ZFX: variants seen among roughly 807,000 people sequenced by gnomAD.
The protein encoded by ZFX is zinc finger protein X-linked.
For synonymous variants in ZFX, 196 were observed against 226.8 expected (o/e 0.86, Z 1.22); for missense variants, 362 against 628.3 (o/e 0.58, Z 4.53).
At chrX:24,151,247 T>C (rs1932080240) in intron 1 of ZFX, among the ~76,000 whole-genome samples, 1 of 111,871 alleles carries the variant, frequency 8.9e-6, no homozygotes, top group Non-Finnish European at 1.9e-5. Flanking sequence ...CTGCAAGAAG[T>C]CTCATGTTTA....
At chrX:24,172,153 G>A (rs1055665664) in intron 3 of ZFX, among the ~76,000 whole-genome samples, 2 of 112,055 alleles carry the variant, frequency 1.8e-5, no homozygotes, top group African/African-American at 3.2e-5. Flanking sequence ...AATCCCAAGG[G>A]TTGTTTACTA....
At chrX:24,206,547 GTGTA>G (rs1937595991) in intron 5 of ZFX, among the ~76,000 whole-genome samples, 2 of 73,006 alleles carry the variant, frequency 2.7e-5, no homozygotes, top group Admixed American at 1.5e-4. Context: ...GTGTGTGTGT[GTGTA>G]TTTTTTTTTT....
intron 5 of ZFX, among the ~76,000 whole-genome samples, chrX:24,183,980 C>T (rs1352398155): frequency 9.1e-6 from 1 of 110,390 alleles, no homozygotes; most frequent in African/African-American, 3.3e-5. Flanking sequence ...TGATCTCGAT[C>T]GAACTCCTGA....
intron 5 of ZFX, among the ~76,000 whole-genome samples, chrX:24,203,722 A>G (rs767003506): frequency 9.0e-6 from 1 of 111,473 alleles, no homozygotes; most frequent in Non-Finnish European, 1.9e-5. Flanking sequence ...ATATTGAACC[A>G]TGCATTCCCT....
chrX:24,206,408 C>T (rs1044870069), intron 5 of ZFX, among the ~76,000 whole-genome samples: 1 of 110,663 alleles, frequency 9.0e-6, no homozygotes, highest in Non-Finnish European at 1.9e-5. Flanking sequence ...CTCTGTAACC[C>T]AGGCTGTAAC....
intron 3 of ZFX, among the ~76,000 whole-genome samples, chrX:24,160,335 G>A (rs1402050121): frequency 1.1e-5 from 1 of 89,425 alleles, no homozygotes; most frequent in Admixed American, 1.5e-4. Context: ...GTCTCGCTCT[G>A]TCGCCCAAGG....
At chrX:24,210,037 CTT>C (rs1420030352) in intron 9 of ZFX, among the ~76,000 whole-genome samples, 154 bp from the exon 10 acceptor site, 2 of 111,868 alleles carry the variant, frequency 1.8e-5, no homozygotes, top group Non-Finnish European at 3.8e-5. Context: ...TGCTATATCT[CTT>C]GTGTTGAAAA....
rs764028256 is a variant in ZFX, at chrX:24,172,785, T to G, written c.43T>G (p.Phe15Val). Residue 15 changes from phenylalanine (F) to valine (V), a missense_variant, in exon 4 of 10, where the codon TTT becomes GTT. Coordinates refer to ENST00000304543, the MANE Select transcript of ZFX (RefSeq NM_003410.4). ...TGAATTACAACAAGAGCCAAACTCA[T>G]TTTTTGATGCAACAGGTATAACTAC... Reference protein sequence around the residue: ...GLELQQEPNSFFDATGADGTH... With the variant: ...GLELQQEPNSVFDATGADGTH... 16 of 1,201,258 alleles carry G rather than the reference T, an allele frequency of 1.3e-5. No homozygotes were observed. The Middle Eastern group carries it at 1.2e-3, about 87-fold the overall frequency.
Position 24,215,107 on chromosome X carries a change from T to C in ZFX, c.*3731T>C, listed in dbSNP as rs1191155105. On this transcript the variant is annotated 3_prime_UTR_variant, in exon 10 of 10. Transcript: ENST00000304543. ...AATTTTAGGTAAATGACGAAGGGAATGTGGTGAATGTCACTGTCCAGAGCC... is the reference window on the plus strand; with the variant it reads ...AATTTTAGGTAAATGACGAAGGGAACGTGGTGAATGTCACTGTCCAGAGCC... 8.9e-6 allele frequency: 1 copy of C among 111,807 alleles called. No individual in the cohort carries two copies. The highest frequency in any genetic ancestry group is 2.8e-4 in the East Asian group (1 of 3,601). The allele number at this position is 111,807 out of a possible 1,213,427, so 9.2% of individuals were successfully genotyped here. A position where few individuals can be genotyped will look rare whatever the true frequency, so the allele number is the denominator to read the frequency against.
chrX:24,173,823 G>T (rs1254269897), intron 4 of ZFX: 1 of 408,779 alleles, frequency 2.4e-6, no homozygotes, highest in African/African-American at 2.7e-5. Flanking sequence ...TTGAACCCGT[G>T]GGCTCATGTG....
At chrX:24,168,340 C>G (rs982547465) in intron 3 of ZFX, among the ~76,000 whole-genome samples, 26 of 111,512 alleles carry the variant, frequency 2.3e-4, no homozygotes, top group African/African-American at 8.5e-4. Flanking sequence ...AGACCTAAAG[C>G]AGAAAAGTGA....
chrX:24,158,292 G>A (rs781246202), intron 3 of ZFX, among the ~76,000 whole-genome samples: 1 of 110,312 alleles, frequency 9.1e-6, no homozygotes, highest in Non-Finnish European at 1.9e-5. Flanking sequence ...GGTGGTTCAC[G>A]CCTGTAACCC....
chrX:24,196,850 C>A (rs986762888), intron 5 of ZFX, among the ~76,000 whole-genome samples: 1 of 112,407 alleles, frequency 8.9e-6, no homozygotes, highest in Non-Finnish European at 1.9e-5. Flanking sequence ...CCACCTTGGC[C>A]TCCCAAAGTG....
intron 5 of ZFX, among the ~76,000 whole-genome samples, chrX:24,190,848 T>TAACTA (rs1936481725): frequency 8.9e-6 from 1 of 112,419 alleles, no homozygotes; most frequent in South Asian, 3.7e-4. Flanking sequence ...TCGGGCAAGT[T>TAACTA]AACTAACCTT....
intron 9 of ZFX, among the ~76,000 whole-genome samples, chrX:24,209,519 CAG>C (rs977238208): frequency 4.5e-5 from 5 of 112,031 alleles, no homozygotes; most frequent in Non-Finnish European, 9.4e-5. Flanking sequence ...TTGGAATAAA[CAG>C]TGGAAATTTT....
intron 5 of ZFX, among the ~76,000 whole-genome samples, chrX:24,182,169 A>T (rs1935742577): frequency 9.1e-6 from 1 of 109,589 alleles, no homozygotes; most frequent in Non-Finnish European, 1.9e-5. Context: ...AAGGTGGGGG[A>T]AGGGGGAAGA....
At chrX:24,152,552 G>T (rs747399455) in intron 2 of ZFX, among the ~76,000 whole-genome samples, 168 bp from the exon 3 acceptor site, 186 of 111,853 alleles carry the variant, frequency 1.7e-3, no homozygotes, top group Middle Eastern at 4.6e-3. Flanking sequence ...GGGCTGGAGG[G>T]AATGAGAGTC....
chrX:24,162,228 C>G lies in ZFX; in HGVS notation c.-29+9398C>G, dbSNP rs1214394449. ...GGGCAACAAGAGTGAAACTCTGTCT[C>G]AAAAAACAAAAAAATCCCACACAGT... is the stretch of plus-strand genomic sequence containing the variant. On this transcript the variant is annotated intron_variant, in intron 3 of 9. Coordinates refer to ENST00000304543, the MANE Select transcript of ZFX (RefSeq NM_003410.4). Among the ~76,000 whole-genome samples, 4 of 110,385 alleles carry G rather than the reference C, an allele frequency of 3.6e-5. No homozygotes were observed. In the East Asian group the frequency reaches 1.1e-3, roughly 31 times the overall value.
chrX:24,206,532 TGTGTGTGTGTGTGTGTGTA>T (rs1321200018), intron 5 of ZFX, among the ~76,000 whole-genome samples: 26 of 98,169 alleles, frequency 2.6e-4, no homozygotes, highest in African/African-American at 9.2e-4. Context: ...TGTGTGTGTG[TGTGTGTGTGTGTGTGTGTA>T]TTTTTTTTTT....
Sources: allele counts gnomAD v4.1 joint callset (sites outside exome capture counted in the v4.1 genomes callset), GRCh38; gene constraint gnomAD v4.1.1; transcripts MANE v1.5; gene names NCBI Gene and HGNC (gene_info 2026-07-23, HGNC 2026-07-21).